BOD1L1: variants seen among roughly 807,000 people sequenced by gnomAD.
BOD1L1 encodes the protein biorientation of chromosomes in cell division protein 1-like 1.
In BOD1L1, 86 loss-of-function variants were observed where a neutral mutation model predicts 240.7. That is an observed-to-expected ratio of 0.36 (90% CI 0.30 to 0.43). The LOEUF (loss-of-function observed/expected upper bound fraction) is 0.43. BOD1L1 is among the 20% of genes least tolerant of loss of function. BOD1L1 has a pLI of 1.00. For synonymous variants in BOD1L1, 1,268 were observed against 1,272.3 expected, an observed-to-expected ratio of 1.00 and a Z score of 0.07; for missense variants, 3,554 against 3,643.5, an observed-to-expected ratio of 0.98 and a Z score of 0.63.
chr4:13,614,807 A>T lies in BOD1L1; in HGVS notation c.563T>A (p.Val188Asp). Residue 188 changes from valine (V) to aspartate (D), a missense_variant, in exon 4 of 26, where the codon GTT becomes GAT. This residue lies in a region of BOD1L1 where 3,393 missense variants were observed against 3,427.1 expected (regional missense o/e 0.99). Transcript: ENST00000040738. ...ATTAGCACTGGGCCCAGGAGTAGGA[A>T]CACCTTAAAGAAAAACAGAAGTTTT... ...KPDTSLITQG[V>D]PTPGPSANVA... 1 of 1,603,208 alleles carries T rather than the reference A, an allele frequency of 6.2e-7. No individual in the cohort carries two copies. The highest frequency in any genetic ancestry group is 8.5e-7 in the Non-Finnish European group (1 of 1,175,854).
At chr4:13,593,685 G>A (rs1457402257) in intron 12 of BOD1L1, among the ~76,000 whole-genome samples, 2 of 152,098 alleles carry the variant, frequency 1.3e-5, no homozygotes, top group Non-Finnish European at 2.9e-5. Flanking sequence ...TTTGCACGTT[G>A]ATTTCAGTGA....
Position 13,627,499 on chromosome 4 carries a change from G to A in BOD1L1, c.89C>T (p.Pro30Leu). ...QPQPQPPPPPPGPGAGPGAGG... is the reference protein window; with the variant it reads ...QPQPQPPPPPLGPGAGPGAGG... ...CGCGCCGGGGCCAGCCCCGGGGCCC[G>A]GCGGCGGCGGCGGTGGCTGCGGCTG... The change falls in exon 1 of 26, where the codon CCG (proline) becomes CTG (leucine). Residue 30 changes from proline (P) to leucine (L), a missense_variant. Physicochemically the swap from Pro to Leu is moderately conservative, Grantham distance 98 (BLOSUM62 -3). This residue lies in a region of BOD1L1 where 161 missense variants were observed against 216.4 expected (regional missense o/e 0.74). Coordinates refer to ENST00000040738, the MANE Select transcript of BOD1L1 (RefSeq NM_148894.3). 2 of 984,416 alleles carry A rather than the reference G, an allele frequency of 2.0e-6. No individual in the cohort carries two copies. Among genetic ancestry groups the A allele is most frequent in the South Asian group, 9.2e-5 (2 of 21,838 alleles). The allele number at this position is 984,416 out of a possible 1,614,324, so 61.0% of individuals were successfully genotyped here. A position where few individuals can be genotyped will look rare whatever the true frequency, so the allele number is the denominator to read the frequency against.
At chr4:13,592,049 T>G in intron 12 of BOD1L1, 83 bp from the exon 13 acceptor site, 2 of 1,050,448 alleles carry the variant, frequency 1.9e-6, no homozygotes, top group East Asian at 2.6e-5. Context: ...ATTTTTAGGA[T>G]AGGGAACCTA....
chr4:13,586,538 G>C (rs564185166), intron 16 of BOD1L1, 63 bp from the exon 17 acceptor site: 7 of 1,133,650 alleles, frequency 6.2e-6, no homozygotes, highest in Non-Finnish European at 9.0e-6. Flanking sequence ...GAAATGCATA[G>C]TTCTATTTTA....
Position 13,602,140 on chromosome 4 carries a change from G to A in BOD1L1, c.4760C>T (p.Ala1587Val). The change falls in exon 10 of 26, where the codon GCT becomes GTT. Residue 1587 changes from alanine to valine, a missense_variant. Around this residue, in one of 2 missense-constraint regions of BOD1L1, gnomAD observed 3,393 missense variants for 3,427.1 expected, o/e 0.99. Transcript: ENST00000040738. ...AACAGCCCCACCTTCTTCAGCTGCAGCAAAAACAGTGCATTCACTGGCTTC... is the reference window on the plus strand; with the variant it reads ...AACAGCCCCACCTTCTTCAGCTGCAACAAAAACAGTGCATTCACTGGCTTC... ...GAEASECTVFAAAEEGGAVVT... is the reference protein window; with the variant it reads ...GAEASECTVFVAAEEGGAVVT... 6.2e-7 allele frequency: 1 copy of A among 1,613,964 alleles called. No individual in the cohort carries two copies. The highest frequency in any genetic ancestry group is 1.3e-5 in the African/African-American group (1 of 75,052).
In BOD1L1 at chr4:13,603,911, C is replaced by T. The variant is rs1439535163; in HGVS notation, c.2989G>A (p.Ala997Thr). 3 of 1,613,786 alleles carry T rather than the reference C, an allele frequency of 1.9e-6. No individual in the cohort carries two copies. The highest frequency in any genetic ancestry group is 1.7e-5 in the Admixed American group (1 of 60,002). ...TTATCACTCTTATATTTCTCCTTTGCTAATGGTAACTTGGCTCTATGACTA... is the reference window on the plus strand; with the variant it reads ...TTATCACTCTTATATTTCTCCTTTGTTAATGGTAACTTGGCTCTATGACTA... ...DSSHRAKLPL[A>T]KEKYKSDKDS... Residue 997 changes from alanine to threonine, a missense_variant, in exon 10 of 26, where the codon GCA becomes ACA. Transcript: ENST00000040738.
intron 2 of BOD1L1, among the ~76,000 whole-genome samples, chr4:13,618,141 T>C (rs995279949): frequency 6.6e-6 from 1 of 152,208 alleles, no homozygotes; most frequent in African/African-American, 2.4e-5. Flanking sequence ...CTTAGTTCCC[T>C]TAAATAAAAG....
At chr4:13,572,661 TA>T in intron 25 of BOD1L1, 6 of 1,280,166 alleles carry the variant, frequency 4.7e-6, no homozygotes, top group Non-Finnish European at 6.1e-6. Flanking sequence ...AAAATAGTCT[TA>T]GGGGGTTAAA....
At chr4:13,594,706 C>T (rs527444320) in intron 12 of BOD1L1, among the ~76,000 whole-genome samples, 2 of 152,246 alleles carry the variant, frequency 1.3e-5, no homozygotes, top group African/African-American at 4.8e-5. Flanking sequence ...ACCATCCTGG[C>T]CAATATGGTG....
chr4:13,586,991 A>G (rs1404767366), intron 16 of BOD1L1, among the ~76,000 whole-genome samples: 1 of 152,206 alleles, frequency 6.6e-6, no homozygotes, highest in East Asian at 1.9e-4. Flanking sequence ...GAACTCATTA[A>G]ATTGCTACCA....
Position 13,602,910 on chromosome 4 carries a change from C to A in BOD1L1, c.3990G>T (p.Leu1330=). 6.2e-7 allele frequency: 1 copy of A among 1,614,012 alleles called. No individual in the cohort carries two copies. ...TAAGGACTTCTGATTCCCTAACAGT[C>A]AGACTTTGGTTAGGGAGAGCAGAGT... ...ADHSALPNQS[L]TVRESEVLKT... The change falls in exon 10 of 26, where the codon CTG becomes CTT. Residue 1330 remains leucine (L), a synonymous_variant. Coordinates refer to ENST00000040738, the MANE Select transcript of BOD1L1 (RefSeq NM_148894.3).
Position 13,600,359 on chromosome 4 carries a change from C to T in BOD1L1, c.6541G>A (p.Gly2181Ser), listed in dbSNP as rs1715023853. The T allele has an allele frequency of 5.0e-6, 8 of 1,613,934 alleles. No individual in the cohort carries two copies. Among genetic ancestry groups the T allele is most frequent in the Non-Finnish European group, 6.8e-6 (8 of 1,179,914 alleles). ...VAAAVEERATGPVLISTADFE... is the reference protein window; with the variant it reads ...VAAAVEERATSPVLISTADFE... ...TCGGCGGTGCTTATCAAGACTGGAC[C>T]TGTAGCCCTTTCTTCCACTGCTGCA... is the stretch of plus-strand genomic sequence containing the variant. The change falls in exon 10 of 26, where the codon GGT (glycine) becomes AGT (serine). Residue 2181 changes from glycine to serine, a missense_variant. Physicochemically the swap from Gly to Ser is moderately conservative, Grantham distance 56. This residue lies in a region of BOD1L1 where 3,393 missense variants were observed against 3,427.1 expected (regional missense o/e 0.99). Coordinates refer to ENST00000040738, the MANE Select transcript of BOD1L1 (RefSeq NM_148894.3).
At chr4:13,573,458 ATCTATCTATCTATCTTTCTT>A (rs1397593729) in intron 25 of BOD1L1, among the ~76,000 whole-genome samples, 7 of 120,574 alleles carry the variant, frequency 5.8e-5, no homozygotes, top group Admixed American at 3.8e-4. Context: ...CTATCTATCT[ATCTATCTATCTATCTTTCTT>A]TCTTTCTTTC....
chr4:13,600,920 C>T lies in BOD1L1; in HGVS notation c.5980G>A (p.Val1994Ile). ...CCAGTGGAAATAGTGGTATCTTCAACTTTTTCGAGCTGACTGTCACTTTGA... is the reference window on the plus strand; with the variant it reads ...CCAGTGGAAATAGTGGTATCTTCAATTTTTTCGAGCTGACTGTCACTTTGA... The part of the protein sequence containing the change: ...SDQSDSQLEK[V>I]EDTTISTGLV... Residue 1994 changes from valine (V) to isoleucine (I), a missense_variant, in exon 10 of 26, where the codon GTT (valine) becomes ATT (isoleucine). Physicochemically the swap from Val to Ile is conservative, Grantham distance 29. Coordinates refer to ENST00000040738, the MANE Select transcript of BOD1L1 (RefSeq NM_148894.3). 1 of 1,613,980 alleles carries T rather than the reference C, an allele frequency of 6.2e-7. No individual in the cohort carries two copies. The highest frequency in any genetic ancestry group is 8.5e-7 in the Non-Finnish European group (1 of 1,179,898).
In BOD1L1 at chr4:13,602,451, G is replaced by A; in HGVS notation, c.4449C>T (p.Asp1483=). 6.2e-7 allele frequency: 1 copy of A among 1,613,982 alleles called. No homozygotes were observed. The highest frequency in any genetic ancestry group is 8.5e-7 in the Non-Finnish European group (1 of 1,179,884). Reference sequence around the variant, plus strand: ...GTGCAGAGCCACTTCCAGCACTGGTGTCTACCTCACTGTTTTCATTCCTTC... The same window carrying A: ...GTGCAGAGCCACTTCCAGCACTGGTATCTACCTCACTGTTTTCATTCCTTC... ...VERRNENSEV[D]TSAGSGSAPS... is the part of the protein sequence containing the mutation. Residue 1483 remains aspartate (D), a synonymous_variant, in exon 10 of 26, where the codon GAC becomes GAT. Transcript: ENST00000040738.
chr4:13,596,603 T>C (rs1428432657), intron 11 of BOD1L1, among the ~76,000 whole-genome samples: 1 of 149,536 alleles, frequency 6.7e-6, no homozygotes, highest in Non-Finnish European at 1.5e-5. Context: ...AAAAAGCAGA[T>C]TTTATTCTAA....
Position 13,600,894 on chromosome 4 carries a change from G to A in BOD1L1, c.6006C>T (p.Gly2002=). 6.2e-7 allele frequency: 1 copy of A among 1,613,848 alleles called. No individual in the cohort carries two copies. Among genetic ancestry groups the A allele is most frequent in the Non-Finnish European group, 8.5e-7 (1 of 1,179,864 alleles). Reference sequence around the variant, plus strand: ...GAACATCGTAACTACCCCCGACCAGGCCAGTGGAAATAGTGGTATCTTCAA... The same window carrying A: ...GAACATCGTAACTACCCCCGACCAGACCAGTGGAAATAGTGGTATCTTCAA... ...EKVEDTTIST[G]LVGGSYDVLV... is the part of the protein sequence containing the mutation. The change falls in exon 10 of 26, where the codon GGC becomes GGT. Residue 2002 remains glycine, a synonymous_variant. Transcript: ENST00000040738.
In BOD1L1 at chr4:13,604,143, T is replaced by C. The variant is rs1428071760; in HGVS notation, c.2757A>G (p.Lys919=). The C allele has an allele frequency of 1.5e-5, 25 of 1,613,214 alleles. No homozygotes were observed. The highest frequency in any genetic ancestry group is 2.0e-5 in the Non-Finnish European group (24 of 1,179,794). ...VLKSKSKTQG[K]QVKVVETELQ... is the part of the protein sequence containing the mutation. ...ATTCTGTTTCTACAACTTTTACCTG[T>C]TTGCCTTGAGTTTTTGATTTAGACT... Residue 919 remains lysine, a synonymous_variant, in exon 10 of 26, where the codon AAA becomes AAG. Transcript: ENST00000040738.
chr4:13,615,286 A>G, intron 3 of BOD1L1, 26 bp downstream of exon 3: 1 of 1,556,094 alleles, frequency 6.4e-7, no homozygotes, highest in Non-Finnish European at 8.7e-7. Flanking sequence ...AAACAATGGA[A>G]CTGACCAAGA....
Sources: allele counts gnomAD v4.1 joint callset (sites outside exome capture counted in the v4.1 genomes callset), GRCh38; gene constraint gnomAD v4.1.1; regional missense constraint gnomAD v4.1.1; transcripts MANE v1.5; gene names NCBI Gene and HGNC (gene_info 2026-07-23, HGNC 2026-07-21).